DHX30: variants seen among roughly 807,000 people sequenced by gnomAD.
The protein encoded by DHX30 is DExH-box helicase 30.
In DHX30, 4 loss-of-function variants were observed where a neutral mutation model predicts 116.9. That is an observed-to-expected ratio of 0.03 (90% CI 0.02 to 0.08). The LOEUF is 0.08. DHX30 is among the 10% of genes least tolerant of loss of function. The pLI, the probability that DHX30 is intolerant of heterozygous loss-of-function variation, is 1.00. For missense variants in DHX30, 871 were observed against 1,595.1 expected (o/e 0.55, Z 7.73); for synonymous variants, 697 against 651.7 (o/e 1.07, Z -1.06).
chr3:47,810,981 C>T (rs1559686451), intron 3 of DHX30, among the ~76,000 whole-genome samples: 1 of 151,932 alleles, frequency 6.6e-6, no homozygotes, highest in Non-Finnish European at 1.5e-5. Flanking sequence ...TGGAGCCTCA[C>T]TTCTGTCGCC....
chr3:47,839,924 C>T (rs1369064297), intron 6 of DHX30, among the ~76,000 whole-genome samples: 1 of 152,086 alleles, frequency 6.6e-6, no homozygotes, highest in Non-Finnish European at 1.5e-5. Flanking sequence ...GTCCACCTGC[C>T]TGGGCCTCCC....
At position 47,846,664 on chromosome 3, in the gene DHX30, C is replaced by T; in HGVS notation, c.1592C>T (p.Ala531Val). 2 of 1,614,020 alleles carry T rather than the reference C, an allele frequency of 1.2e-6. No homozygotes were observed. Among genetic ancestry groups the T allele is most frequent in the Non-Finnish European group, 1.7e-6 (2 of 1,179,994 alleles). ...LESKPPSRGG[A>V]LLFCTVGILL... ...AGTAAGCCCCCATCCCGAGGCGGGG[C>T]CCTGCTCTTCTGCACTGTGGGTATC... The change falls in exon 11 of 22, where the codon GCC becomes GTC. Residue 531 changes from alanine to valine, a missense_variant. Ala to Val is a moderately conservative substitution (Grantham distance 64). Around this residue, in one of 13 missense-constraint regions of DHX30, gnomAD observed 63 missense variants for 180.6 expected, o/e 0.35. Coordinates refer to ENST00000445061, the MANE Select transcript of DHX30 (RefSeq NM_138615.3).
Position 47,831,924 on chromosome 3 carries a change from C to CTT in DHX30, c.366+2794_366+2795dup, listed in dbSNP as rs1448275730. 7.3e-3 allele frequency among the ~76,000 whole-genome samples: 875 copies of CTT among 120,374 alleles called. 44 individuals are homozygous for CTT. The highest frequency in any genetic ancestry group is 9.4e-3 in the Non-Finnish European group (551 of 58,602). The allele number at this position is 120,374 out of a possible 152,430, so 79.0% of individuals were successfully genotyped here. ...TAGTTTTCTCTCTGAAGGCCTTTTC[C>CTT]TTTTTCTTTTTTTTTTTTTTTTTTA... is the stretch of plus-strand genomic sequence containing the variant. On this transcript the variant is annotated intron_variant, in intron 6 of 21. Coordinates refer to ENST00000445061, the MANE Select transcript of DHX30 (RefSeq NM_138615.3).
At chr3:47,832,189 A>T (rs1410722109) in intron 6 of DHX30, among the ~76,000 whole-genome samples, 1 of 150,610 alleles carries the variant, frequency 6.6e-6, no homozygotes, top group Non-Finnish European at 1.5e-5. Flanking sequence ...GGGATTACAG[A>T]TGTGCGCTGA....
At chr3:47,830,089 C>A (rs1326360136) in intron 6 of DHX30, among the ~76,000 whole-genome samples, 1 of 151,302 alleles carries the variant, frequency 6.6e-6, no homozygotes, top group Non-Finnish European at 1.5e-5. Flanking sequence ...CTCGGCCTCC[C>A]AAAGTGCTGG....
Position 47,812,639 on chromosome 3 carries a change from C to G in DHX30, c.28+1928C>G, listed in dbSNP as rs146829156. Among the ~76,000 whole-genome samples, 9 of 151,286 alleles carry G rather than the reference C, an allele frequency of 5.9e-5. No individual in the cohort carries two copies. The East Asian group carries it at 1.7e-3, about 29-fold the overall frequency. On this transcript the variant is annotated intron_variant, in intron 3 of 21. Coordinates refer to ENST00000445061, the MANE Select transcript of DHX30 (RefSeq NM_138615.3). ...GCCATGAGGGATCCATTCTGTGACC[C>G]TTCAACAGCAGAGATTACATTTCCT...
chr3:47,848,335 A>T lies in DHX30; in HGVS notation c.2442A>T (p.Thr814=), dbSNP rs545377323. 6.2e-7 allele frequency: 1 copy of T among 1,614,058 alleles called. No homozygotes were observed. The highest frequency in any genetic ancestry group is 1.7e-5 in the Admixed American group (1 of 60,020). Residue 814 remains threonine (T), a synonymous_variant, in exon 15 of 22, where the codon ACA becomes ACT. Coordinates refer to ENST00000445061, the MANE Select transcript of DHX30 (RefSeq NM_138615.3). This position sits in a 1 kb window ranked among gnomAD's most constrained non-coding sequence, Gnocchi z 9.4. ...TCCAAGTGCCAGAGATCCTGCGCACACCTCTTGAGAACCTGGTGCTGCAAG... is the reference window on the plus strand; with the variant it reads ...TCCAAGTGCCAGAGATCCTGCGCACTCCTCTTGAGAACCTGGTGCTGCAAG... The part of the protein sequence containing the change: ...VPFQVPEILR[T]PLENLVLQAK...
intron 4 of DHX30, chr3:47,825,194 A>G (rs2036495917): frequency 1.4e-5 from 9 of 657,290 alleles, no homozygotes; most frequent in East Asian, 9.7e-5. Context: ...GCCGAGGCCG[A>G]GTCAGGGATG....
chr3:47,811,098 A>G (rs1576461357), intron 3 of DHX30, among the ~76,000 whole-genome samples: 1 of 150,038 alleles, frequency 6.7e-6, no homozygotes, highest in Non-Finnish European at 1.5e-5. Context: ...TACAGGAACC[A>G]GCTGCCAAGC....
intron 6 of DHX30, among the ~76,000 whole-genome samples, chr3:47,834,882 G>A (rs2037033744): frequency 6.6e-6 from 1 of 152,166 alleles, no homozygotes; most frequent in African/African-American, 2.4e-5. Context: ...AGTTAACATG[G>A]GAGTGCAGAC....
intron 6 of DHX30, among the ~76,000 whole-genome samples, chr3:47,837,885 G>C (rs568623633): frequency 6.6e-6 from 1 of 152,340 alleles, no homozygotes; most frequent in South Asian, 2.1e-4. Flanking sequence ...CTGTGGACGA[G>C]CAATGGGTTG....
intron 4 of DHX30, among the ~76,000 whole-genome samples, chr3:47,819,654 A>C (rs1334790834): frequency 6.6e-6 from 1 of 152,202 alleles, no homozygotes; most frequent in African/African-American, 2.4e-5. Flanking sequence ...TGTTGCAGCA[A>C]CAGTCTCTCT....
chr3:47,838,764 T>G (rs1472713502), intron 6 of DHX30, among the ~76,000 whole-genome samples: 1 of 152,242 alleles, frequency 6.6e-6, no homozygotes, highest in East Asian at 1.9e-4. Flanking sequence ...ACCTGTGCTT[T>G]CTTTGCAGTT....
At chr3:47,817,598 T>C (rs1452413096) in intron 3 of DHX30, among the ~76,000 whole-genome samples, 2 of 152,166 alleles carry the variant, frequency 1.3e-5, no homozygotes, top group Non-Finnish European at 2.9e-5. Context: ...GTGGCTGAGG[T>C]AGCCATCTGG....
intron 2 of DHX30, 106 bp from the exon 3 acceptor site, chr3:47,810,551 A>T (rs1028478352): frequency 3.2e-6 from 3 of 929,682 alleles, no homozygotes; most frequent in Non-Finnish European, 5.1e-6. Context: ...GAAGAGTTTC[A>T]TTTTTTTCAT....
chr3:47,838,866 CTTGTTTGT>C (rs757966197), intron 6 of DHX30, among the ~76,000 whole-genome samples: 7 of 152,088 alleles, frequency 4.6e-5, no homozygotes, highest in East Asian at 3.8e-4. Context: ...GCTTAGATTC[CTTGTTTGT>C]TTGTTTGTTT....
At chr3:47,827,796 T>TA (rs1275850784) in intron 5 of DHX30, among the ~76,000 whole-genome samples, 1 of 152,174 alleles carries the variant, frequency 6.6e-6, no homozygotes, top group Non-Finnish European at 1.5e-5. Context: ...TACAGTCTTA[T>TA]AGATTCTGGA....
intron 4 of DHX30, among the ~76,000 whole-genome samples, chr3:47,824,525 C>T (rs2036449688): frequency 6.6e-6 from 1 of 152,050 alleles, no homozygotes; most frequent in Non-Finnish European, 1.5e-5. Context: ...ATCCTGGGCT[C>T]AGGGGATCCA....
Position 47,850,019 on chromosome 3 carries a change from C to G in DHX30, c.3484C>G (p.Pro1162Ala), listed in dbSNP as rs1205716563. ...SLRSELAALP[P>A]SVQEEHGQLL... ...GCGCAGCGAGCTGGCTGCACTTCCCCCCAGCGTACAGGAGGAGCACGGGCA... is the reference window on the plus strand; with the variant it reads ...GCGCAGCGAGCTGGCTGCACTTCCCGCCAGCGTACAGGAGGAGCACGGGCA... Residue 1162 changes from proline to alanine, a missense_variant, in exon 22 of 22, where the codon CCC (proline) becomes GCC (alanine). Transcript: ENST00000445061. 1 of 1,610,526 alleles carries G rather than the reference C, an allele frequency of 6.2e-7. No individual in the cohort carries two copies. The highest frequency in any genetic ancestry group is 1.1e-5 in the South Asian group (1 of 90,778).
Sources: gnomAD v4.1 joint callset for allele counts (sites outside exome capture counted in the v4.1 genomes callset) on GRCh38, gnomAD v4.1.1 for gene constraint, gnomAD v4.1.1 regional missense constraint, Gnocchi (gnomAD v3.1) non-coding constraint, MANE v1.5 for transcripts, NCBI Gene and HGNC (gene_info 2026-07-23, HGNC 2026-07-21) for gene names.